KLF12: variants seen among roughly 807,000 people sequenced by gnomAD.
KLF12 encodes the protein Krueppel-like factor 12.
A neutral mutation model predicts 37.8 loss-of-function variants in KLF12; 9 were observed. The ratio of observed to expected loss-of-function variants is 0.24; its 90% CI spans 0.14 to 0.42. The LOEUF (loss-of-function observed/expected upper bound fraction) is 0.42, where lower values mean the gene tolerates loss of function less well. Among genes scored for constraint, KLF12 ranks in the 10% least tolerant of loss-of-function variants. The pLI, the probability that KLF12 is intolerant of heterozygous loss-of-function variation, is 1.00. For synonymous variants in KLF12, 208 were observed against 202.1 expected, an observed-to-expected ratio of 1.03 and a Z score of -0.25; for missense variants, 411 against 516.0, an observed-to-expected ratio of 0.80 and a Z score of 1.97.
chr13:73,929,249 T>G (rs1292543552), intron 3 of KLF12, among the ~76,000 whole-genome samples: 11 of 152,122 alleles, frequency 7.2e-5, no homozygotes, highest in African/African-American at 2.7e-4. Context: ...TGAAATAAAC[T>G]AAAGGAACAG....
At chr13:74,302,651 C>T in the KLF12 span, among the ~76,000 whole-genome samples, 19 of 152,094 alleles carry the variant, frequency 1.2e-4, no homozygotes, top group African/African-American at 3.9e-4. Flanking sequence ...ACTGAATCAT[C>T]GCCAAGTTTC....
At chr13:74,120,378 C>T (rs1237448701) in intron 1 of KLF12, among the ~76,000 whole-genome samples, 2 of 151,976 alleles carry the variant, frequency 1.3e-5, no homozygotes, top group African/African-American at 4.8e-5. Flanking sequence ...TACTCAGGAG[C>T]GTGAGCCATG....
intron 3 of KLF12, among the ~76,000 whole-genome samples, chr13:73,868,946 T>C (rs1428584550): frequency 6.6e-6 from 1 of 152,160 alleles, no homozygotes; most frequent in Non-Finnish European, 1.5e-5. Flanking sequence ...TTTTTTAAAG[T>C]CATATTTTTT....
In KLF12 at chr13:73,878,679, T is replaced by C. The variant is rs1343823971; in HGVS notation, c.124-32306A>G. Among the ~76,000 whole-genome samples the C allele has an allele frequency of 2.0e-5, 3 of 149,480 alleles. No individual in the cohort carries two copies. The East Asian group carries it at 5.9e-4, about 29-fold the overall frequency. Reference sequence around the variant, plus strand: ...AAAGGCAGGGTAAAGGGCAAGAGAGTGCCATGGGAGGAGGTGCTACTGAGA... The same window carrying C: ...AAAGGCAGGGTAAAGGGCAAGAGAGCGCCATGGGAGGAGGTGCTACTGAGA... On this transcript the variant is annotated intron_variant, in intron 3 of 7. Coordinates refer to ENST00000377669, the MANE Select transcript of KLF12 (RefSeq NM_007249.5).
the KLF12 span, among the ~76,000 whole-genome samples, chr13:74,290,724 A>C: frequency 4.6e-5 from 7 of 152,302 alleles, no homozygotes; most frequent in South Asian, 1.5e-3. Context: ...CAAGCCCAGA[A>C]TTTTTTCAGC....
Position 73,691,870 on chromosome 13 carries a change from T to A in KLF12, c.*3620A>T, listed in dbSNP as rs1197346720. 1 of 152,632 alleles carries A rather than the reference T, an allele frequency of 6.6e-6. No individual in the cohort carries two copies. Among genetic ancestry groups the A allele is most frequent in the Non-Finnish European group, 1.5e-5 (1 of 68,036 alleles). The allele number at this position is 152,632 out of a possible 1,614,324, so 9.5% of individuals were successfully genotyped here. ...AATTGTATAAAAATGAACACAATCT[T>A]TGCATAAGCTATTCCAAATCTGAAC... is the stretch of plus-strand genomic sequence containing the variant. On this transcript the variant is annotated 3_prime_UTR_variant, in exon 8 of 8. Transcript: ENST00000377669.
rs1281763827 is a variant in KLF12 at position 73,868,903 on chromosome 13, C to G, written c.124-22530G>C. 2.0e-5 allele frequency among the ~76,000 whole-genome samples: 3 copies of G among 152,050 alleles called. No individual in the cohort carries two copies. In the South Asian group the frequency reaches 6.2e-4, roughly 32 times the overall value. The stretch of plus-strand genomic sequence containing the variant: ...CTGGCATACTTGTTATCAAAACCTG[C>G]CTAAATTTACAAATTGGCAAAACAA... On this transcript the variant is annotated intron_variant, in intron 3 of 7. Transcript: ENST00000377669.
At chr13:73,847,005 T>C (rs1036578712) in intron 3 of KLF12, among the ~76,000 whole-genome samples, 31 of 152,304 alleles carry the variant, frequency 2.0e-4, no homozygotes, top group African/African-American at 7.0e-4. Flanking sequence ...TTTCATTTAA[T>C]CTGAAATAAT....
intron 1 of KLF12, among the ~76,000 whole-genome samples, chr13:74,072,060 A>T (rs1424660651): frequency 6.6e-6 from 1 of 152,044 alleles, no homozygotes; most frequent in Admixed American, 6.6e-5. Flanking sequence ...CCTCCTTATG[A>T]ACCTCCAAGT....
At chr13:74,192,673 C>A in the KLF12 span, among the ~76,000 whole-genome samples, 3 of 144,178 alleles carry the variant, frequency 2.1e-5, no homozygotes, top group Non-Finnish European at 4.6e-5. Flanking sequence ...AATTCAATGG[C>A]AGAGCTATGA....
chr13:74,170,578 G>A, the KLF12 span, among the ~76,000 whole-genome samples: 2 of 152,066 alleles, frequency 1.3e-5, no homozygotes, highest in Non-Finnish European at 2.9e-5. Context: ...AGTATGTTTG[G>A]CCATTATATC....
chr13:74,173,804 G>A, the KLF12 span, among the ~76,000 whole-genome samples: 2 of 152,192 alleles, frequency 1.3e-5, no homozygotes, highest in Admixed American at 6.5e-5. Flanking sequence ...GAGTATTGGG[G>A]AAAATGCCCT....
At chr13:74,160,931 A>G in the KLF12 span, among the ~76,000 whole-genome samples, 2 of 152,188 alleles carry the variant, frequency 1.3e-5, no homozygotes, top group East Asian at 1.9e-4. Context: ...CAAGGTAGCC[A>G]TCAGAGCAGA....
chr13:74,139,021 T>C, the KLF12 span, among the ~76,000 whole-genome samples: 1 of 152,240 alleles, frequency 6.6e-6, no homozygotes, highest in Non-Finnish European at 1.5e-5. Flanking sequence ...TCTTGGAGCT[T>C]CTTGTGGTAT....
chr13:74,032,530 A>G (rs1185005187), intron 1 of KLF12, among the ~76,000 whole-genome samples: 1 of 152,160 alleles, frequency 6.6e-6, no homozygotes, highest in African/African-American at 2.4e-5. Flanking sequence ...TTCTACTTTC[A>G]GTCACTACCT....
chr13:74,049,537 T>C (rs537495608), intron 1 of KLF12, among the ~76,000 whole-genome samples: 1 of 152,200 alleles, frequency 6.6e-6, no homozygotes, highest in African/African-American at 2.4e-5. Flanking sequence ...ATTAAAAAAG[T>C]GTTATTCTCA....
the KLF12 span, among the ~76,000 whole-genome samples, chr13:74,225,018 A>C: frequency 5.3e-5 from 8 of 152,156 alleles, no homozygotes; most frequent in African/African-American, 1.4e-4. Flanking sequence ...AATCAGCTGA[A>C]AGCATTCTTA....
At chr13:74,170,493 T>C in the KLF12 span, among the ~76,000 whole-genome samples, 7 of 152,228 alleles carry the variant, frequency 4.6e-5, no homozygotes. Context: ...TTCTCCTTAA[T>C]GTAAACCACA....
intron 1 of KLF12, among the ~76,000 whole-genome samples, chr13:74,021,614 G>C (rs1199588936): frequency 6.6e-6 from 1 of 152,094 alleles, no homozygotes; most frequent in African/African-American, 2.4e-5. Context: ...CACTTCAGTA[G>C]CTTGAAATCC....
Sources: gnomAD v4.1 joint callset for allele counts (sites outside exome capture counted in the v4.1 genomes callset) on GRCh38, gnomAD v4.1.1 for gene constraint, MANE v1.5 for transcripts, NCBI Gene and HGNC (gene_info 2026-07-23, HGNC 2026-07-21) for gene names.